RGL3: variants seen among roughly 807,000 people sequenced by gnomAD.
RGL3 encodes ral guanine nucleotide dissociation stimulator like 3.
A neutral mutation model predicts 90.6 loss-of-function variants in RGL3; 85 were observed. That is an observed-to-expected ratio of 0.94 (90% CI 0.79 to 1.12). RGL3 has a LOEUF of 1.12. Ranked by LOEUF, RGL3 falls within the 50% of genes most tolerant of loss-of-function variation. RGL3 has a pLI of 0.00. For missense variants in RGL3, 1,034 were observed against 939.2 expected, an observed-to-expected ratio of 1.10 and a Z score of -1.32; for synonymous variants, 408 against 385.5, an observed-to-expected ratio of 1.06 and a Z score of -0.68.
In RGL3 at chr19:11,419,292, C is replaced by G. The variant is rs1969065182; in HGVS notation, c.-14G>C. On this transcript the variant is annotated 5_prime_UTR_variant, in exon 1 of 19. Coordinates refer to ENST00000380456, the MANE Select transcript of RGL3 (RefSeq NM_001035223.4). ...TGTGCGCTCCATGGCCGGCGCCCGT[C>G]CCTCTCAGTGGCGCCGCTGAGTGAG... The G allele has an allele frequency of 6.4e-7, 1 of 1,565,062 alleles. No homozygotes were observed. Among genetic ancestry groups the G allele is most frequent in the Non-Finnish European group, 8.6e-7 (1 of 1,158,574 alleles).
At chr19:11,398,135 C>G (rs1407698766) in intron 16 of RGL3, among the ~76,000 whole-genome samples, 1 of 152,156 alleles carries the variant, frequency 6.6e-6, no homozygotes, top group Non-Finnish European at 1.5e-5. Context: ...CACCACCCTA[C>G]CATATACAGA....
Position 11,405,413 on chromosome 19 carries a change from A to C in RGL3, c.1010T>G (p.Leu337Arg). 6.5e-7 allele frequency: 1 copy of C among 1,528,738 alleles called. No homozygotes were observed. The highest frequency in any genetic ancestry group is 8.9e-7 in the Non-Finnish European group (1 of 1,129,512). 94.7% of individuals were successfully genotyped at this position (1,528,738 alleles called of 1,614,324 possible). ...GGCGCGCAAGGAGGAGAAGTTCCGC[A>C]GTTCTCGGCAGCGCTGCCAGGCGGT... is the stretch of plus-strand genomic sequence containing the variant. ...WIRIAQRCRE[L>R]RNFSSLRAIL... The change falls in exon 8 of 19, where the codon CTG (leucine) becomes CGG (arginine). Residue 337 changes from leucine (L) to arginine (R), a missense_variant. Transcript: ENST00000380456.
intron 5 of RGL3, among the ~76,000 whole-genome samples, chr19:11,414,134 CATATAT>C (rs56098998): frequency 0.12 from 3,766 of 30,248 alleles, 259 homozygotes; most frequent in Non-Finnish European, 0.15. Context: ...CTGGAGAAAT[CATATAT>C]ATATATATAT....
At chr19:11,402,562 G>C in intron 10 of RGL3, 21 bp from the exon 11 acceptor site, 1 of 1,606,140 alleles carries the variant, frequency 6.2e-7, no homozygotes, top group Non-Finnish European at 8.5e-7. Context: ...CAAAGCTCCA[G>C]TCACTTGGGG....
rs765907309 is a variant in RGL3, at chr19:11,397,372, G to A, written c.1900-14C>T. ...CTGACTGGTCAGCTGGAAGAGAGGG[G>A]CGGGAGGTGAGGTGAGGGCCCCGGC... On this transcript the variant is annotated splice_polypyrimidine_tract_variant and intron_variant, in intron 17 of 18. Transcript: ENST00000380456. The A allele has an allele frequency of 3.1e-5, 49 of 1,593,812 alleles. No individual in the cohort carries two copies. The highest frequency in any genetic ancestry group is 3.8e-5 in the Non-Finnish European group (44 of 1,169,116).
chr19:11,405,625 C>G (rs1198823344), intron 7 of RGL3, among the ~76,000 whole-genome samples, 199 bp from the exon 8 acceptor site: 6 of 144,246 alleles, frequency 4.2e-5, no homozygotes, highest in Admixed American at 1.4e-4. Context: ...CTTAAGCGAT[C>G]CACATGCCTC....
rs927745434 is a variant in RGL3, at chr19:11,406,578, C to T, written c.837G>A (p.Arg279=). The T allele has an allele frequency of 3.2e-6, 5 of 1,551,648 alleles. No homozygotes were observed. Among genetic ancestry groups the T allele is most frequent in the Non-Finnish European group, 4.4e-6 (5 of 1,147,974 alleles). The stretch of plus-strand genomic sequence containing the variant: ...AGGCGCCTGCAGCCCCCGGCCGGTC[C>T]CTCTGCGACCACACGGAGCCCAAGC... ...YECLGSVWSQ[R]DRPGAAGASP... Residue 279 remains arginine (R), a synonymous_variant, in exon 7 of 19, where the codon AGG becomes AGA. Coordinates refer to ENST00000380456, the MANE Select transcript of RGL3 (RefSeq NM_001035223.4).
chr19:11,405,494 CTTTTTTTTTTTTTTTTTTTTTTT>C (rs771398199), intron 7 of RGL3, 68 bp from the exon 8 acceptor site: 7,356 of 162,226 alleles, frequency 0.045, 89 homozygotes, highest in East Asian at 0.19. Context: ...ACTTCTTCAT[CTTTTTTTTTTTTTTTTTTTTTTT>C]TTTTTTTTTT....
chr19:11,409,131 G>A (rs187130959), intron 5 of RGL3, among the ~76,000 whole-genome samples: 7 of 149,298 alleles, frequency 4.7e-5, no homozygotes, highest in African/African-American at 1.2e-4. Context: ...CCAGGTCCAC[G>A]CCACGGCACT....
intron 9 of RGL3, 22 bp from the exon 10 acceptor site, chr19:11,402,728 G>C: frequency 6.2e-7 from 1 of 1,610,000 alleles, no homozygotes; most frequent in Non-Finnish European, 8.5e-7. Context: ...GAAAAACTGA[G>C]CCAGGTCTGG....
intron 9 of RGL3, 127 bp from the exon 10 acceptor site, chr19:11,402,833 T>A (rs222603): frequency 2.5e-6 from 2 of 793,870 alleles, no homozygotes; most frequent in East Asian, 5.3e-5. Flanking sequence ...GTAGGCCAGG[T>A]GCGATGGCTC....
chr19:11,403,366 T>C (rs1480559932), intron 9 of RGL3, among the ~76,000 whole-genome samples: 1 of 139,554 alleles, frequency 7.2e-6, no homozygotes, highest in African/African-American at 2.6e-5. Context: ...GGGCTGGACA[T>C]GGTGGCTCAC....
At chr19:11,413,870 A>G (rs1014378434) in intron 5 of RGL3, among the ~76,000 whole-genome samples, 2 of 148,056 alleles carry the variant, frequency 1.4e-5, no homozygotes, top group African/African-American at 4.9e-5. Context: ...CAGCCTCCCG[A>G]GTAGCTGGGA....
chr19:11,406,826 A>G lies in RGL3; in HGVS notation c.676T>C (p.Ser226Pro), dbSNP rs1354991650. ...TCCTCTTCCTCCGCGCAGGCCTCTG[A>G]AGAGTCTGGGTCAGAAGTTTGGGCA... ...RVAQTSDPDS[S>P]EACAEEEEGL... The change falls in exon 6 of 19, where the codon TCA (serine) becomes CCA (proline). Residue 226 changes from serine (S) to proline (P), a missense_variant. Ser to Pro is a moderately conservative substitution (Grantham distance 74, BLOSUM62 -1). Coordinates refer to ENST00000380456, the MANE Select transcript of RGL3 (RefSeq NM_001035223.4). The G allele has an allele frequency of 6.3e-7, 1 of 1,591,624 alleles. No homozygotes were observed.
intron 5 of RGL3, among the ~76,000 whole-genome samples, chr19:11,409,367 G>T (rs1282235199): frequency 6.6e-6 from 1 of 152,038 alleles, no homozygotes; most frequent in Non-Finnish European, 1.5e-5. Context: ...TGTAGTCCCA[G>T]CTACCCAGGA....
chr19:11,405,233 T>C lies in RGL3; in HGVS notation c.1101-2A>G. 1.2e-6 allele frequency: 2 copies of C among 1,614,026 alleles called. No individual in the cohort carries two copies. The highest frequency in any genetic ancestry group is 1.7e-6 in the Non-Finnish European group (2 of 1,179,938). ...TTCCTGAAAGTAGATAGCGGTTCCC[T>C]GGAAGGACAGGAGAAGGGTGGTCAG... On this transcript the variant is annotated splice_acceptor_variant, in intron 8 of 18. Transcript: ENST00000380456. LOFTEE classifies it high-confidence loss of function.
chr19:11,399,407 A>C (rs1445543490), intron 16 of RGL3, among the ~76,000 whole-genome samples: 1 of 152,080 alleles, frequency 6.6e-6, no homozygotes, highest in Non-Finnish European at 1.5e-5. Context: ...TCTCTACTAA[A>C]TAAAAAAAAT....
At chr19:11,415,144 T>C (rs548243677) in intron 5 of RGL3, among the ~76,000 whole-genome samples, 42 of 148,794 alleles carry the variant, frequency 2.8e-4, no homozygotes, top group Admixed American at 6.0e-4. Context: ...AAAAAATAGA[T>C]AAAAAAATAA....
intron 5 of RGL3, among the ~76,000 whole-genome samples, chr19:11,412,173 G>C (rs370004743): frequency 3.7e-4 from 56 of 151,440 alleles, no homozygotes; most frequent in Admixed American, 3.0e-3. Context: ...CCAGCTACTC[G>C]GGAGGCTGAG....
Sources: allele counts gnomAD v4.1 joint callset (sites outside exome capture counted in the v4.1 genomes callset), GRCh38; gene constraint gnomAD v4.1.1; transcripts MANE v1.5; gene names NCBI Gene and HGNC (gene_info 2026-07-23, HGNC 2026-07-21).